HECW1: variants seen among roughly 807,000 people sequenced by gnomAD.
The protein encoded by HECW1 is E3 ubiquitin-protein ligase HECW1.
In HECW1, 61 loss-of-function variants were observed where a neutral mutation model predicts 182.3. The ratio of observed to expected loss-of-function variants is 0.33; its 90% CI spans 0.27 to 0.41. The LOEUF is 0.41. Ranked by LOEUF, HECW1 falls within the 10% of genes least tolerant of loss-of-function variation. The pLI, the probability that HECW1 is intolerant of heterozygous loss-of-function variation, is 1.00. For synonymous variants in HECW1, 859 were observed against 832.6 expected, an observed-to-expected ratio of 1.03 and a Z score of -0.55; for missense variants, 1,739 against 2,108.9, an observed-to-expected ratio of 0.82 and a Z score of 3.44.
chr7:43,265,841 G>T lies in HECW1; in HGVS notation c.27+21909G>T, dbSNP rs375125016. 4.6e-5 allele frequency among the ~76,000 whole-genome samples: 7 copies of T among 152,280 alleles called. No individual in the cohort carries two copies. In the East Asian group the frequency reaches 1.4e-3, roughly 29 times the overall value. On this transcript the variant is annotated intron_variant, in intron 3 of 29. Coordinates refer to ENST00000395891, the MANE Select transcript of HECW1 (RefSeq NM_015052.5). ...GAAGGTTCCCAAAACTCCCCCCTCA[G>T]GTTCAATGATCTGCTAGAATGACTT...
intron 14 of HECW1, among the ~76,000 whole-genome samples, chr7:43,464,099 CT>C (rs2077677052): frequency 6.6e-6 from 1 of 152,186 alleles, no homozygotes; most frequent in Non-Finnish European, 1.5e-5. Context: ...TGCTACAGTG[CT>C]TGTGGAGCAA....
chr7:43,143,808 T>C (rs137891702), intron 2 of HECW1, among the ~76,000 whole-genome samples: 2 of 152,328 alleles, frequency 1.3e-5, no homozygotes, highest in East Asian at 3.9e-4. Flanking sequence ...TGATGGCCAC[T>C]TGGGGTGGGC....
intron 17 of HECW1, among the ~76,000 whole-genome samples, chr7:43,487,595 A>G (rs912290946): frequency 6.6e-6 from 1 of 152,202 alleles, no homozygotes; most frequent in African/African-American, 2.4e-5. Context: ...GTCAAATGCC[A>G]GGAAATTAGA....
chr7:43,224,671 C>T (rs377262319), intron 2 of HECW1, among the ~76,000 whole-genome samples: 60 of 117,274 alleles, frequency 5.1e-4, no homozygotes, highest in Non-Finnish European at 8.5e-4. Context: ...AATAAAAAGC[C>T]GGCCATGGTG....
chr7:43,314,918 C>T (rs985042996), intron 4 of HECW1, among the ~76,000 whole-genome samples: 35 of 152,278 alleles, frequency 2.3e-4, no homozygotes, highest in African/African-American at 8.2e-4. Flanking sequence ...GAGGAGATGT[C>T]GAATCAGTGG....
At chr7:43,288,574 TG>T (rs1331455569) in intron 3 of HECW1, among the ~76,000 whole-genome samples, 1 of 152,190 alleles carries the variant, frequency 6.6e-6, no homozygotes, top group Non-Finnish European at 1.5e-5. Context: ...ACTCATCCTG[TG>T]GCCCCAGGCT....
At chr7:43,198,696 C>A (rs1244704713) in intron 2 of HECW1, among the ~76,000 whole-genome samples, 1 of 149,304 alleles carries the variant, frequency 6.7e-6, no homozygotes, top group Non-Finnish European at 1.5e-5. Context: ...ACACACCATA[C>A]ATACACCCCC....
At chr7:43,472,777 CATG>C (rs2078073962) in intron 16 of HECW1, among the ~76,000 whole-genome samples, 1 of 152,020 alleles carries the variant, frequency 6.6e-6, no homozygotes, top group South Asian at 2.1e-4. Flanking sequence ...AATATGCAGC[CATG>C]ATAATATAAA....
At chr7:43,403,545 G>A (rs1282450668) in intron 7 of HECW1, among the ~76,000 whole-genome samples, 1 of 152,144 alleles carries the variant, frequency 6.6e-6, no homozygotes, top group East Asian at 1.9e-4. Flanking sequence ...TGGGAAAATA[G>A]CGAGAGGGCA....
chr7:43,137,669 C>G (rs1787707899), intron 2 of HECW1, among the ~76,000 whole-genome samples: 1 of 152,008 alleles, frequency 6.6e-6, no homozygotes, highest in Non-Finnish European at 1.5e-5. Context: ...CCCACCTCAG[C>G]CTCCCGAGTA....
At chr7:43,420,832 A>G (rs2076158671) in intron 8 of HECW1, among the ~76,000 whole-genome samples, 1 of 152,202 alleles carries the variant, frequency 6.6e-6, no homozygotes, top group African/African-American at 2.4e-5. Flanking sequence ...TTCAAGGCTT[A>G]GAAAAGTCAA....
chr7:43,404,586 A>T (rs1394971296), intron 7 of HECW1, among the ~76,000 whole-genome samples: 1 of 152,224 alleles, frequency 6.6e-6, no homozygotes, highest in Non-Finnish European at 1.5e-5. Context: ...TTGATAGAAC[A>T]GAACAAAGTG....
intron 2 of HECW1, among the ~76,000 whole-genome samples, chr7:43,129,929 G>C (rs1053409064): frequency 1.3e-5 from 2 of 152,146 alleles, no homozygotes; most frequent in South Asian, 4.1e-4. Context: ...ATTGTTTAGG[G>C]AGTAATGACA....
chr7:43,444,815 C>T lies in HECW1; in HGVS notation c.1643C>T (p.Ser548Leu), dbSNP rs2076993629. 6 of 1,613,932 alleles carry T rather than the reference C, an allele frequency of 3.7e-6. No homozygotes were observed. The highest frequency in any genetic ancestry group is 1.7e-5 in the Admixed American group (1 of 60,014). ...TCCGAGCTGGAGACGGTGATCGCGT[C>T]AGCCTGCGGGGACCCCGAGACCCCG... Reference protein sequence around the residue: ...PVSELETVIASACGDPETPRT... With the variant: ...PVSELETVIALACGDPETPRT... The change falls in exon 11 of 30, where the codon TCA becomes TTA. Residue 548 changes from serine (S) to leucine (L), a missense_variant. Coordinates refer to ENST00000395891, the MANE Select transcript of HECW1 (RefSeq NM_015052.5). The surrounding 1 kb of genome is among the most constrained non-coding windows in gnomAD (Gnocchi z 4.3).
In HECW1 at chr7:43,423,875, T is replaced by C. The variant is rs200321721; in HGVS notation, c.802-14128T>C. ...TAAAAGTGACATCCTGTAAGACTGA[T>C]ACCAAAAATCAAAGGTGGGGCTAGA... On this transcript the variant is annotated intron_variant, in intron 8 of 29. Transcript: ENST00000395891. Among the ~76,000 whole-genome samples, 13 of 152,282 alleles carry C rather than the reference T, an allele frequency of 8.5e-5. No homozygotes were observed. The East Asian group carries it at 2.5e-3, about 29-fold the overall frequency.
At chr7:43,183,079 G>A (rs1480670247) in intron 2 of HECW1, among the ~76,000 whole-genome samples, 3 of 151,954 alleles carry the variant, frequency 2.0e-5, no homozygotes, top group African/African-American at 7.3e-5. Flanking sequence ...ATATTTTTGA[G>A]CATCTCCTAA....
chr7:43,447,078 T>C (rs1200876440), intron 11 of HECW1, among the ~76,000 whole-genome samples: 1 of 152,182 alleles, frequency 6.6e-6, no homozygotes, highest in Non-Finnish European at 1.5e-5. Flanking sequence ...CAGAGGTCTG[T>C]AGATTTTTCC....
At chr7:43,149,307 C>T (rs1037178848) in intron 2 of HECW1, among the ~76,000 whole-genome samples, 6 of 152,188 alleles carry the variant, frequency 3.9e-5, no homozygotes, top group African/African-American at 1.4e-4. Flanking sequence ...GAGAAAGACA[C>T]ATCACTTCTG....
At chr7:43,473,690 T>A (rs1427117239) in intron 16 of HECW1, among the ~76,000 whole-genome samples, 1 of 151,906 alleles carries the variant, frequency 6.6e-6, no homozygotes, top group Non-Finnish European at 1.5e-5. Flanking sequence ...TTATGCTAGT[T>A]GGGCTCAAGG....
Sources: allele counts gnomAD v4.1 joint callset (sites outside exome capture counted in the v4.1 genomes callset), GRCh38; gene constraint gnomAD v4.1.1; non-coding constraint Gnocchi (gnomAD v3.1); transcripts MANE v1.5; gene names NCBI Gene and HGNC (gene_info 2026-07-23, HGNC 2026-07-21).